The following VAV2 variants were observed in gnomAD, a reference collection of about 807,000 sequenced individuals.
The protein encoded by VAV2 is guanine nucleotide exchange factor VAV2.
A neutral mutation model predicts 132.5 loss-of-function variants in VAV2; 67 were observed. The observed-to-expected ratio is 0.51, with a 90% CI of 0.42 to 0.62. The LOEUF (loss-of-function observed/expected upper bound fraction) is 0.62. Ranked by LOEUF, VAV2 falls within the 20% of genes least tolerant of loss-of-function variation. VAV2 has a pLI of 0.00. For missense variants in VAV2, 938 were observed against 1,153.6 expected, an observed-to-expected ratio of 0.81 and a Z score of 2.71; for synonymous variants, 492 against 443.5, an observed-to-expected ratio of 1.11 and a Z score of -1.37.
At chr9:133,899,025 G>A (rs920649072) in intron 2 of VAV2, among the ~76,000 whole-genome samples, 7 of 151,790 alleles carry the variant, frequency 4.6e-5, no homozygotes, top group Non-Finnish European at 7.4e-5. Flanking sequence ...GTTTCACCAC[G>A]TTAGCCAGGA....
Position 133,918,397 on chromosome 9 carries a change from C to A in VAV2, c.321+20706G>T, listed in dbSNP as rs114190209. ...ACCCAGGCCCAGCTGCTAGCCCGGG[C>A]TACCACCACCACCAGGAAACACTCA... On this transcript the variant is annotated intron_variant, in intron 2 of 29. Transcript: ENST00000371850. This position sits in a 1 kb window ranked among gnomAD's most constrained non-coding sequence, Gnocchi z 4.7. 0.017 allele frequency among the ~76,000 whole-genome samples: 2,604 copies of A among 151,918 alleles called. 64 individuals are homozygous for A. Among genetic ancestry groups the A allele is most frequent in the South Asian group, 0.055 (263 of 4,786 alleles).
intron 2 of VAV2, among the ~76,000 whole-genome samples, chr9:133,887,126 C>T (rs1838743508): frequency 6.6e-6 from 1 of 152,174 alleles, no homozygotes; most frequent in Non-Finnish European, 1.5e-5. Context: ...AGAAATCGCA[C>T]CTCCTTTGGG....
At chr9:133,873,538 C>A (rs776357851) in intron 2 of VAV2, among the ~76,000 whole-genome samples, 1 of 152,182 alleles carries the variant, frequency 6.6e-6, no homozygotes, top group East Asian at 1.9e-4. Flanking sequence ...AAGACAGGAG[C>A]GGCACTGCCC....
rs1840883936 is a variant in VAV2, at chr9:133,935,702, A to G, written c.321+3401T>C. Among the ~76,000 whole-genome samples, 1 of 152,224 alleles carries G rather than the reference A, an allele frequency of 6.6e-6. No individual in the cohort carries two copies. Among genetic ancestry groups the G allele is most frequent in the South Asian group, 2.1e-4 (1 of 4,832 alleles). On this transcript the variant is annotated intron_variant, in intron 2 of 29. Transcript: ENST00000371850. The surrounding 1 kb of genome is among the most constrained non-coding windows in gnomAD (Gnocchi z 5.2). ...CAGCTCCCCAGCCTCCGCTGGCCCC[A>G]GGCCAGACTCCATTTGGAAGTGCTG... is the stretch of plus-strand genomic sequence containing the variant.
chr9:133,903,010 G>A (rs1343043364), intron 2 of VAV2, among the ~76,000 whole-genome samples: 1 of 151,264 alleles, frequency 6.6e-6, no homozygotes, highest in East Asian at 1.9e-4. Flanking sequence ...GGGAAGTAGA[G>A]GTTGTAGTGA....
chr9:133,782,373 G>C (rs969390317), intron 19 of VAV2, among the ~76,000 whole-genome samples: 1 of 152,018 alleles, frequency 6.6e-6, no homozygotes, highest in Non-Finnish European at 1.5e-5. Flanking sequence ...GAAAAGCTGC[G>C]TTCAGGCCAC....
rs1353245270 is a variant in VAV2 at position 133,787,453 on chromosome 9, C to A, written c.1408-193G>T. 2.0e-5 allele frequency among the ~76,000 whole-genome samples: 3 copies of A among 152,182 alleles called. No individual in the cohort carries two copies. The East Asian group carries it at 5.8e-4, about 29-fold the overall frequency. ...AGAGTGTTGGGTGCTGGTGGCAGGA[C>A]TGCCTCATGGGCCCCAGTTACTTGT... On this transcript the variant is annotated intron_variant, in intron 15 of 29. Coordinates refer to ENST00000371850, the MANE Select transcript of VAV2 (RefSeq NM_001134398.2).
chr9:133,768,502 CA>C lies in VAV2; in HGVS notation c.2528del (p.Val843GlyfsTer30). 1 of 1,614,000 alleles carries C rather than the reference CA, an allele frequency of 6.2e-7. No individual in the cohort carries two copies. The highest frequency in any genetic ancestry group is 8.5e-7 in the Non-Finnish European group (1 of 1,180,012). On this transcript the variant is annotated frameshift_variant, in exon 29 of 30. Coordinates refer to ENST00000371850, the MANE Select transcript of VAV2 (RefSeq NM_001134398.2). LOFTEE classifies it high-confidence loss of function. This position sits in a 1 kb window ranked among gnomAD's most constrained non-coding sequence, Gnocchi z 5.3. Reference protein sequence around the residue: ...RELSLREGDVVRIYSRIGGDQ... With the variant: ...RELSLREGDVXRIYSRIGGDQ... ...CTCCGCCGATGCGGCTGTAGATCCT[CA>C]CCACGTCACCCTCCCGCAGCGAAAG...
intron 2 of VAV2, among the ~76,000 whole-genome samples, chr9:133,869,685 C>A (rs1837951306): frequency 2.0e-5 from 3 of 152,174 alleles, no homozygotes; most frequent in Admixed American, 2.0e-4. Context: ...ATCCGCCGAC[C>A]CAGCCTGCTC....
chr9:133,825,681 C>T (rs1363478332), intron 4 of VAV2, among the ~76,000 whole-genome samples: 1 of 152,096 alleles, frequency 6.6e-6, no homozygotes, highest in Admixed American at 6.5e-5. Context: ...GTGAGGACAA[C>T]GGCGGGGAGG....
intron 2 of VAV2, among the ~76,000 whole-genome samples, chr9:133,924,196 T>A (rs2132084719): frequency 6.6e-6 from 1 of 152,286 alleles, no homozygotes; most frequent in South Asian, 2.1e-4. Context: ...TTTATTTTCA[T>A]TTTTTTGAGA....
chr9:133,858,592 C>A (rs988201866), intron 3 of VAV2, among the ~76,000 whole-genome samples: 1 of 152,204 alleles, frequency 6.6e-6, no homozygotes, highest in Admixed American at 6.5e-5. Context: ...ACCCCACACA[C>A]ACCCTGCTAC....
At chr9:133,766,487 G>T (rs1235672488) in intron 29 of VAV2, among the ~76,000 whole-genome samples, 1 of 152,008 alleles carries the variant, frequency 6.6e-6, no homozygotes, top group Non-Finnish European at 1.5e-5. Context: ...CATGGATGAA[G>T]CTGGAAACCA....
At chr9:133,852,039 GATGGATGT>G (rs1368791815) in intron 3 of VAV2, among the ~76,000 whole-genome samples, 4 of 151,670 alleles carry the variant, frequency 2.6e-5, no homozygotes, top group South Asian at 2.1e-4. Context: ...TGTATGGATG[GATGGATGT>G]ATGGATGGAT....
intron 15 of VAV2, among the ~76,000 whole-genome samples, chr9:133,787,596 G>A (rs370158122): frequency 1.3e-5 from 2 of 152,270 alleles, no homozygotes; most frequent in South Asian, 4.1e-4. Flanking sequence ...TTCAGAACAA[G>A]GGCTCCTGAC....
rs1044012445 is a variant in VAV2, at chr9:133,840,127, A to G, written c.381-5787T>C. 6.6e-6 allele frequency among the ~76,000 whole-genome samples: 1 copy of G among 152,182 alleles called. No individual in the cohort carries two copies. The highest frequency in any genetic ancestry group is 1.5e-5 in the Non-Finnish European group (1 of 68,034). ...GAATGAGAAGCAGAGAAGGCCAACCACAGCCTATCCAGAAGTTGTCCTGAG... is the reference window on the plus strand; with the variant it reads ...GAATGAGAAGCAGAGAAGGCCAACCGCAGCCTATCCAGAAGTTGTCCTGAG... On this transcript the variant is annotated intron_variant, in intron 3 of 29. Coordinates refer to ENST00000371850, the MANE Select transcript of VAV2 (RefSeq NM_001134398.2). This position sits in a 1 kb window ranked among gnomAD's most constrained non-coding sequence, Gnocchi z 4.5.
chr9:133,886,847 C>T (rs1183956519), intron 2 of VAV2, among the ~76,000 whole-genome samples: 1 of 152,240 alleles, frequency 6.6e-6, no homozygotes, highest in Non-Finnish European at 1.5e-5. Context: ...CAGGGGTCTG[C>T]TGGGCTTACA....
chr9:133,955,045 C>T (rs1008426856), intron 1 of VAV2, among the ~76,000 whole-genome samples: 7 of 152,010 alleles, frequency 4.6e-5, no homozygotes, highest in African/African-American at 1.2e-4. Flanking sequence ...CTCCTTCCTC[C>T]GGCTACCCCA....
At chr9:133,821,394 T>G (rs1460857087) in intron 4 of VAV2, among the ~76,000 whole-genome samples, 1 of 152,196 alleles carries the variant, frequency 6.6e-6, no homozygotes. Flanking sequence ...TTGTAGCCCT[T>G]CCTGTTTCTA....
Sources: allele counts gnomAD v4.1 joint callset (sites outside exome capture counted in the v4.1 genomes callset), GRCh38; gene constraint gnomAD v4.1.1; non-coding constraint Gnocchi (gnomAD v3.1); transcripts MANE v1.5; gene names NCBI Gene and HGNC (gene_info 2026-07-23, HGNC 2026-07-21).